Variants in HLCS observed in about 807,000 individuals in gnomAD.
HLCS encodes holocarboxylase synthetase, also known as biotin--protein ligase.
In HLCS, 53 loss-of-function variants were observed where a neutral mutation model predicts 75.0. The ratio of observed to expected loss-of-function variants is 0.71; its 90% CI spans 0.57 to 0.89. HLCS has a LOEUF of 0.89. HLCS is among the 40% of genes least tolerant of loss of function. The pLI is 0.00. For synonymous variants in HLCS, 431 were observed against 428.6 expected (o/e 1.01, Z -0.07); for missense variants, 966 against 1,074.0 (o/e 0.90, Z 1.41).
At chr21:36,983,399 T>C (rs1011971043) in intron 1 of HLCS, among the ~76,000 whole-genome samples, 1 of 151,576 alleles carries the variant, frequency 6.6e-6, no homozygotes, top group Non-Finnish European at 1.5e-5. Context: ...TTAGTAGAGA[T>C]GGGGTTTCAC....
intron 6 of HLCS, among the ~76,000 whole-genome samples, chr21:36,818,252 G>A (rs1042063655): frequency 1.3e-5 from 2 of 152,236 alleles, no homozygotes; most frequent in Non-Finnish European, 1.5e-5. Context: ...TACTTCTGTG[G>A]CATGGCTAAT....
chr21:36,866,759 T>C (rs1204692762), intron 6 of HLCS, among the ~76,000 whole-genome samples: 1 of 152,156 alleles, frequency 6.6e-6, no homozygotes, highest in Admixed American at 6.5e-5. Flanking sequence ...GATTTTAAAT[T>C]GATGCTAAAT....
chr21:36,853,673 A>G (rs1226327259), intron 6 of HLCS, among the ~76,000 whole-genome samples: 1 of 152,240 alleles, frequency 6.6e-6, no homozygotes, highest in African/African-American at 2.4e-5. Context: ...AGATATTAAT[A>G]AAGTGAATAA....
At position 36,897,040 on chromosome 21, in the gene HLCS, G is replaced by C; in HGVS notation, c.1712C>G (p.Ser571Ter). The C allele has an allele frequency of 6.2e-7, 1 of 1,614,162 alleles. No homozygotes were observed. Among genetic ancestry groups the C allele is most frequent in the Non-Finnish European group, 8.5e-7 (1 of 1,180,000 alleles). The change falls in exon 6 of 11, where the codon TCA becomes TGA. Residue 571 changes from serine to a stop codon, truncating the protein, a stop_gained. Coordinates refer to ENST00000674895, the MANE Select transcript of HLCS (RefSeq NM_001352514.2). LOFTEE classifies it high-confidence loss of function. ...TATTTCTACTTCAGACACGTAGGAT[G>C]AAACAAATCTAAGAGAGAGCTGGCC... ...KSGQLSLRFVSSYVSEVEITP... is the reference protein window; with the variant it reads ...KSGQLSLRFV
At chr21:36,870,355 G>A (rs555531387) in intron 6 of HLCS, among the ~76,000 whole-genome samples, 12 of 151,992 alleles carry the variant, frequency 7.9e-5, no homozygotes, top group Non-Finnish European at 1.5e-4. Context: ...GGCCTGATAC[G>A]GTCTTAACAG....
At chr21:36,906,099 C>G (rs1021858309) in intron 5 of HLCS, among the ~76,000 whole-genome samples, 6 of 141,494 alleles carry the variant, frequency 4.2e-5, no homozygotes, top group Non-Finnish European at 9.3e-5. Context: ...CATATACTAA[C>G]AATAAATATT....
At position 36,924,484 on chromosome 21, in the gene HLCS, C is replaced by T. The variant is rs570857472; in HGVS notation, c.1620+5767G>A. Among the ~76,000 whole-genome samples the T allele has an allele frequency of 2.8e-3, 432 of 152,250 alleles. 2 individuals carry two copies. The highest frequency in any genetic ancestry group is 9.6e-3 in the African/African-American group (400 of 41,538). On this transcript the variant is annotated intron_variant, in intron 5 of 10. Coordinates refer to ENST00000674895, the MANE Select transcript of HLCS (RefSeq NM_001352514.2). ...CTGAGGCAGGAGAATCGCTTGAACC[C>T]AGGAAGCAGAGGCTGCAGTGAGCAG...
chr21:36,969,593 T>C (rs2068729708), upstream of HLCS: 1 of 151,970 alleles, frequency 6.6e-6, no homozygotes. Context: ...TTTTTTTTTT[T>C]TTTTTAGATG....
intron 5 of HLCS, among the ~76,000 whole-genome samples, chr21:36,915,376 G>A (rs7279029): frequency 5.3e-5 from 8 of 152,266 alleles, no homozygotes; most frequent in African/African-American, 1.9e-4. Flanking sequence ...AGAGAGAAGC[G>A]GCCCCATATC....
chr21:36,920,527 G>C (rs1056794929), intron 5 of HLCS, among the ~76,000 whole-genome samples: 2 of 152,038 alleles, frequency 1.3e-5, no homozygotes, highest in Non-Finnish European at 2.9e-5. Context: ...AATATAATTT[G>C]TTTGTAATAT....
chr21:36,821,310 A>G (rs1431545125), intron 6 of HLCS, among the ~76,000 whole-genome samples: 2 of 152,148 alleles, frequency 1.3e-5, no homozygotes, highest in Non-Finnish European at 2.9e-5. Flanking sequence ...TTTTTTGTGT[A>G]TAGTAGGAGC....
At chr21:36,791,033 C>A (rs2060845302) in intron 6 of HLCS, among the ~76,000 whole-genome samples, 1 of 152,138 alleles carries the variant, frequency 6.6e-6, no homozygotes, top group Non-Finnish European at 1.5e-5. Context: ...TTTGAGCTTG[C>A]TTGTATTTAA....
At chr21:36,921,558 C>A (rs2066168727) in intron 5 of HLCS, among the ~76,000 whole-genome samples, 1 of 152,234 alleles carries the variant, frequency 6.6e-6, no homozygotes, top group African/African-American at 2.4e-5. Flanking sequence ...AGACCAGTGG[C>A]TCAGGAAAGC....
intron 5 of HLCS, among the ~76,000 whole-genome samples, chr21:36,900,497 G>A (rs1176903436): frequency 3.9e-5 from 6 of 152,132 alleles, no homozygotes; most frequent in African/African-American, 1.4e-4. Context: ...TCCACATCGC[G>A]GAGGGCCTCA....
At chr21:36,930,569 T>C in intron 4 of HLCS, 136 bp from the exon 5 acceptor site, 3 of 763,510 alleles carry the variant, frequency 3.9e-6, no homozygotes, top group Non-Finnish European at 6.2e-6. Flanking sequence ...GGTCTTGAAC[T>C]CCTGGGCTCA....
intron 6 of HLCS, among the ~76,000 whole-genome samples, chr21:36,806,807 G>A (rs575767450): frequency 1.3e-4 from 20 of 152,276 alleles, no homozygotes; most frequent in Middle Eastern, 3.4e-3. Flanking sequence ...CACGATTTCC[G>A]TGTGCCTGGA....
chr21:36,942,869 G>C (rs1278183663), intron 2 of HLCS, among the ~76,000 whole-genome samples: 1 of 151,908 alleles, frequency 6.6e-6, no homozygotes, highest in Non-Finnish European at 1.5e-5. Context: ...GGCAGAGCTT[G>C]CAGTGAGCCA....
At chr21:36,931,772 G>C (rs1292455351) in intron 4 of HLCS, among the ~76,000 whole-genome samples, 1 of 151,828 alleles carries the variant, frequency 6.6e-6, no homozygotes, top group Non-Finnish European at 1.5e-5. Context: ...GAGAGAGAGA[G>C]TTTGCAGGAA....
In HLCS at chr21:36,937,096, T is replaced by C. The variant is rs1342427477; in HGVS notation, c.790A>G (p.Ile264Val). ...HECLELENST[I>V]ESVKFASAEN... ...GCAGACGCAAACTTGACTGACTCAATGGTGCTGTTCTCAAGTTCCAGACAC... is the reference window on the plus strand; with the variant it reads ...GCAGACGCAAACTTGACTGACTCAACGGTGCTGTTCTCAAGTTCCAGACAC... Residue 264 changes from isoleucine (I) to valine (V), a missense_variant, in exon 4 of 11, where the codon ATT (isoleucine) becomes GTT (valine). By Grantham distance (29) the Ile-to-Val change is conservative. Coordinates refer to ENST00000674895, the MANE Select transcript of HLCS (RefSeq NM_001352514.2). 1.6e-5 allele frequency: 26 copies of C among 1,614,030 alleles called. No homozygotes were observed. Among genetic ancestry groups the C allele is most frequent in the Non-Finnish European group, 2.1e-5 (25 of 1,180,030 alleles).
Sources: allele counts gnomAD v4.1 joint callset (sites outside exome capture counted in the v4.1 genomes callset), GRCh38; gene constraint gnomAD v4.1.1; transcripts MANE v1.5; gene names NCBI Gene and HGNC (gene_info 2026-07-23, HGNC 2026-07-21).